The following MEI4 variants were observed in gnomAD, a reference collection of about 807,000 sequenced individuals.
The protein encoded by MEI4 is meiotic double-stranded break formation protein 4.
MEI4 carries 27 observed loss-of-function variants against 31.4 expected under a neutral mutation model. The ratio of observed to expected loss-of-function variants is 0.86; its 90% confidence interval spans 0.63 to 1.19. The LOEUF (loss-of-function observed/expected upper bound fraction) is 1.19, where lower values mean the gene tolerates loss of function less well. Ranked by LOEUF, MEI4 falls within the 50% of genes most tolerant of loss-of-function variation. MEI4 has a pLI of 0.00. For synonymous variants in MEI4, 122 were observed against 145.4 expected, an observed-to-expected ratio of 0.84 and a Z score of 1.16; for missense variants, 329 against 398.9, an observed-to-expected ratio of 0.82 and a Z score of 1.49.
At chr6:77,758,218 G>C (rs1351828188) in intron 2 of MEI4, among the ~76,000 whole-genome samples, 5 of 150,050 alleles carry the variant, frequency 3.3e-5, no homozygotes, top group Non-Finnish European at 4.4e-5. Flanking sequence ...TTTGCTGATC[G>C]ATCATTTTTC....
intron 2 of MEI4, among the ~76,000 whole-genome samples, chr6:77,756,648 C>CCTCTTTGTATTCCTCTCT (rs1767926804): frequency 6.7e-6 from 1 of 149,244 alleles, no homozygotes; most frequent in Non-Finnish European, 1.5e-5. Context: ...TCTTTCTCTC[C>CCTCTTTGTATTCCTCTCT]CTCTTTGTAT....
At chr6:77,769,973 CA>C (rs1482474958) in intron 3 of MEI4, among the ~76,000 whole-genome samples, 3 of 151,682 alleles carry the variant, frequency 2.0e-5, no homozygotes, top group Non-Finnish European at 4.4e-5. Flanking sequence ...GAAAAGGAGA[CA>C]GAAGAGTAAA....
intron 4 of MEI4, among the ~76,000 whole-genome samples, chr6:77,922,080 T>C (rs1300727490): frequency 2.6e-5 from 4 of 151,690 alleles, no homozygotes; most frequent in Non-Finnish European, 5.9e-5. Context: ...GGTACAATAA[T>C]GTAAAGCACA....
chr6:77,735,571 C>T (rs1050371097), intron 2 of MEI4, among the ~76,000 whole-genome samples: 20 of 152,072 alleles, frequency 1.3e-4, no homozygotes, highest in South Asian at 1.0e-3. Flanking sequence ...TCTTTGCCTT[C>T]GGTTTGAATG....
At chr6:77,695,023 G>A (rs971647486) in intron 2 of MEI4, among the ~76,000 whole-genome samples, 10 of 152,106 alleles carry the variant, frequency 6.6e-5, no homozygotes, top group African/African-American at 2.4e-4. Context: ...GTGATGATGA[G>A]CATTTTTTCA....
intron 3 of MEI4, among the ~76,000 whole-genome samples, chr6:77,804,823 A>G (rs1350226823): frequency 2.0e-5 from 3 of 152,234 alleles, no homozygotes; most frequent in African/African-American, 7.2e-5. Context: ...TATACATGAT[A>G]GCTATCTAGT....
chr6:77,891,589 A>G (rs1195465317), intron 4 of MEI4, among the ~76,000 whole-genome samples: 1 of 151,538 alleles, frequency 6.6e-6, no homozygotes, highest in African/African-American at 2.4e-5. Context: ...CAATATTATT[A>G]TTTTGAATTT....
intron 2 of MEI4, among the ~76,000 whole-genome samples, chr6:77,734,758 TG>T (rs1191730037): frequency 6.6e-6 from 1 of 152,242 alleles, no homozygotes; most frequent in African/African-American, 2.4e-5. Flanking sequence ...GGCATGATTT[TG>T]CAGTGGCTGT....
At chr6:77,698,723 G>T (rs895214992) in intron 2 of MEI4, among the ~76,000 whole-genome samples, 2 of 152,032 alleles carry the variant, frequency 1.3e-5, no homozygotes, top group Non-Finnish European at 2.9e-5. Flanking sequence ...TTTCAACTTT[G>T]GTGAATCTGA....
chr6:77,766,574 C>A (rs554837561), intron 3 of MEI4, among the ~76,000 whole-genome samples: 3 of 152,008 alleles, frequency 2.0e-5, no homozygotes, highest in African/African-American at 4.8e-5. Context: ...CCACCACACC[C>A]GGCTAATTTT....
chr6:77,818,553 A>AT lies in MEI4; in HGVS notation c.769-10374dup, dbSNP rs548224019. On this transcript the variant is annotated intron_variant, in intron 3 of 4. Transcript: ENST00000684080. The stretch of plus-strand genomic sequence containing the variant: ...TAAATATACACAAATTTTTAAACCT[A>AT]TTTTAAAACCACCACTTGCTTTTCT... Among the ~76,000 whole-genome samples, 70 of 152,236 alleles carry AT rather than the reference A, an allele frequency of 4.6e-4. 1 individual carries two copies. The South Asian group carries it at 0.013, about 28-fold the overall frequency.
intron 1 of MEI4, among the ~76,000 whole-genome samples, chr6:77,653,516 T>C (rs1018402291): frequency 6.6e-6 from 1 of 152,236 alleles, no homozygotes; most frequent in Non-Finnish European, 1.5e-5. Context: ...AAGGTACTAT[T>C]GCTGCTATGA....
chr6:77,917,765 A>G (rs1013440786), intron 4 of MEI4, among the ~76,000 whole-genome samples: 3 of 150,864 alleles, frequency 2.0e-5, no homozygotes, highest in Non-Finnish European at 4.4e-5. Flanking sequence ...GAAGCTCTTT[A>G]GTTTAATGAG....
At chr6:77,769,089 A>G (rs1260278154) in intron 3 of MEI4, among the ~76,000 whole-genome samples, 4 of 152,182 alleles carry the variant, frequency 2.6e-5, no homozygotes, top group African/African-American at 9.6e-5. Flanking sequence ...CATTAAGGAA[A>G]GAGGCATGGA....
chr6:77,704,895 G>A (rs1433529912), intron 2 of MEI4, among the ~76,000 whole-genome samples: 2 of 152,078 alleles, frequency 1.3e-5, no homozygotes, highest in Non-Finnish European at 2.9e-5. Context: ...TCAGTACCAA[G>A]TGACATTTGG....
intron 3 of MEI4, among the ~76,000 whole-genome samples, chr6:77,775,317 C>CT (rs925299985): frequency 2.0e-5 from 3 of 152,072 alleles, no homozygotes; most frequent in Non-Finnish European, 2.9e-5. Flanking sequence ...AGTGTGTGGT[C>CT]TTTTTTCTCT....
chr6:77,731,630 G>T (rs1361381086), intron 2 of MEI4, among the ~76,000 whole-genome samples: 18 of 150,090 alleles, frequency 1.2e-4, no homozygotes, highest in South Asian at 4.2e-4. Context: ...CTCTTTAGTT[G>T]AATTAGATCC....
rs947855819 is a variant in MEI4, at chr6:77,925,857, T to C, written c.*2511T>C. 1 of 149,352 alleles carries C rather than the reference T, an allele frequency of 6.7e-6. No individual in the cohort carries two copies. Among genetic ancestry groups the C allele is most frequent in the Admixed American group, 6.7e-5 (1 of 14,852 alleles). 9.3% of individuals were successfully genotyped at this position (149,352 alleles called of 1,614,324 possible). ...ATATATGAATAAGTAATATTATACA[T>C]ATATATACGATATGTATAATAAATA... On this transcript the variant is annotated 3_prime_UTR_variant, in exon 5 of 5. Transcript: ENST00000684080.
chr6:77,710,927 C>G (rs1766450107), intron 2 of MEI4, among the ~76,000 whole-genome samples: 1 of 152,210 alleles, frequency 6.6e-6, no homozygotes, highest in African/African-American at 2.4e-5. Context: ...ATTCATCTCA[C>G]TTAATTTTAA....
Sources: gnomAD v4.1 joint callset for allele counts (sites outside exome capture counted in the v4.1 genomes callset) on GRCh38, gnomAD v4.1.1 for gene constraint, MANE v1.5 for transcripts, NCBI Gene and HGNC (gene_info 2026-07-23, HGNC 2026-07-21) for gene names.